Variants in PRKAG2 observed in about 807,000 individuals in gnomAD.
PRKAG2 encodes the protein protein kinase AMP-activated non-catalytic subunit gamma 2, also known as 5'-AMP-activated protein kinase subunit gamma-2.
A neutral mutation model predicts 69.6 loss-of-function variants in PRKAG2; 26 were observed. That is an observed-to-expected ratio of 0.37 (90% CI 0.27 to 0.52). The LOEUF (loss-of-function observed/expected upper bound fraction) is 0.52, where lower values mean the gene tolerates loss of function less well. Ranked by LOEUF, PRKAG2 falls within the 20% of genes least tolerant of loss-of-function variation. The pLI, the probability that PRKAG2 is intolerant of heterozygous loss-of-function variation, is 0.90. For missense variants in PRKAG2, 557 were observed against 740.0 expected (o/e 0.75, Z 2.87); for synonymous variants, 293 against 285.0 (o/e 1.03, Z -0.28).
intron 6 of PRKAG2, among the ~76,000 whole-genome samples, chr7:151,591,594 A>G (rs890214808): frequency 3.3e-5 from 5 of 152,162 alleles, no homozygotes; most frequent in African/African-American, 1.2e-4. Flanking sequence ...TGCAACCACC[A>G]GGCAGGTGTT....
At chr7:151,818,541 G>A (rs2078698678) in intron 1 of PRKAG2, among the ~76,000 whole-genome samples, 1 of 152,238 alleles carries the variant, frequency 6.6e-6, no homozygotes, top group Non-Finnish European at 1.5e-5. Flanking sequence ...CTTGCAGAGG[G>A]AGTATCTGCA....
chr7:151,776,708 G>A (rs1020893174), intron 3 of PRKAG2, among the ~76,000 whole-genome samples: 4 of 152,238 alleles, frequency 2.6e-5, no homozygotes, highest in African/African-American at 7.2e-5. Context: ...GGAGGAAGGC[G>A]CAGATGGCAG....
intron 1 of PRKAG2, among the ~76,000 whole-genome samples, chr7:151,796,449 G>A (rs576839403): frequency 6.6e-6 from 1 of 152,178 alleles, no homozygotes; most frequent in African/African-American, 2.4e-5. Context: ...TTCACAGTAC[G>A]TGAAGGGCAA....
chr7:151,716,907 G>A (rs1157146228), intron 3 of PRKAG2, among the ~76,000 whole-genome samples: 1 of 152,160 alleles, frequency 6.6e-6, no homozygotes, highest in Non-Finnish European at 1.5e-5. Flanking sequence ...TGGCAGGAAG[G>A]GGAGCAGTGG....
At chr7:151,744,394 G>A (rs546426652) in intron 3 of PRKAG2, among the ~76,000 whole-genome samples, 170 of 152,206 alleles carry the variant, frequency 1.1e-3, no homozygotes, top group African/African-American at 3.9e-3. Context: ...AGACACCATG[G>A]TTGGTGCCTA....
At chr7:151,758,545 A>G (rs57979524) in intron 3 of PRKAG2, among the ~76,000 whole-genome samples, 1,729 of 152,324 alleles carry the variant, frequency 0.011, 29 homozygotes, top group African/African-American at 0.038. Context: ...AGGAGCTGGG[A>G]GCCCACAGAA....
At chr7:151,670,731 C>T (rs934472609) in intron 4 of PRKAG2, among the ~76,000 whole-genome samples, 4 of 152,306 alleles carry the variant, frequency 2.6e-5, no homozygotes, top group South Asian at 4.1e-4. Flanking sequence ...GCATAATGCA[C>T]GGAGCTGTTA....
intron 3 of PRKAG2, among the ~76,000 whole-genome samples, chr7:151,693,438 T>TC (rs1836029391): frequency 6.6e-6 from 1 of 151,996 alleles, no homozygotes; most frequent in Non-Finnish European, 1.5e-5. Context: ...GCCCATCACC[T>TC]CCCCGGGCCA....
chr7:151,649,187 G>A (rs1427717392), intron 4 of PRKAG2, among the ~76,000 whole-genome samples: 1 of 152,096 alleles, frequency 6.6e-6, no homozygotes, highest in African/African-American at 2.4e-5. Flanking sequence ...GTGCAGTGGT[G>A]TGATCTTGGC....
intron 14 of PRKAG2, among the ~76,000 whole-genome samples, chr7:151,563,587 C>T (rs1176319835): frequency 1.3e-5 from 2 of 152,132 alleles, no homozygotes; most frequent in African/African-American, 2.4e-5. Flanking sequence ...ACAGATACAT[C>T]GATCTATTTA....
At chr7:151,712,442 C>T (rs1795479324) in intron 3 of PRKAG2, among the ~76,000 whole-genome samples, 1 of 152,262 alleles carries the variant, frequency 6.6e-6, no homozygotes. Context: ...ATGGTAACCA[C>T]AGGGACAGCC....
chr7:151,752,909 A>G (rs1017374138), intron 3 of PRKAG2, among the ~76,000 whole-genome samples: 1 of 152,268 alleles, frequency 6.6e-6, no homozygotes, highest in Admixed American at 6.5e-5. Context: ...AGAGAACTTT[A>G]TGGTGGCAGA....
intron 1 of PRKAG2, among the ~76,000 whole-genome samples, chr7:151,873,537 C>T (rs1431314513): frequency 1.3e-5 from 2 of 152,220 alleles, no homozygotes; most frequent in Non-Finnish European, 2.9e-5. Flanking sequence ...ACTGCAAGCC[C>T]TGTGAGGACT....
intron 1 of PRKAG2, among the ~76,000 whole-genome samples, chr7:151,847,202 A>T (rs1465809758): frequency 6.6e-6 from 1 of 152,214 alleles, no homozygotes; most frequent in East Asian, 1.9e-4. Context: ...TATTCTGGGT[A>T]CACAGCAGTG....
At chr7:151,874,030 TATGTATATG>T (rs1164901365) in intron 1 of PRKAG2, among the ~76,000 whole-genome samples, 2 of 149,040 alleles carry the variant, frequency 1.3e-5, no homozygotes, top group Non-Finnish European at 3.0e-5. Context: ...ATATGATGTA[TATGTATATG>T]ATGTATATGT....
At chr7:151,690,443 C>T (rs1835489534) in intron 3 of PRKAG2, among the ~76,000 whole-genome samples, 1 of 152,160 alleles carries the variant, frequency 6.6e-6, no homozygotes, top group Non-Finnish European at 1.5e-5. Context: ...ATTGCTCTTC[C>T]CCGAAAGGTT....
intron 1 of PRKAG2, among the ~76,000 whole-genome samples, chr7:151,787,769 G>A (rs1456540250): frequency 6.6e-6 from 1 of 152,134 alleles, no homozygotes; most frequent in Admixed American, 6.5e-5. Context: ...GGGTCTTTAA[G>A]CAGGCAATTA....
In PRKAG2 at chr7:151,724,109, A is replaced by G. The variant is rs553344327; in HGVS notation, c.467-48472T>C. ...CTCTGGAGCACCATACCTTTGCCCT[A>G]TGTATAGAAGCCCTGGGTCCGGGGG... On this transcript the variant is annotated intron_variant, in intron 3 of 15. Transcript: ENST00000287878. 4.6e-5 allele frequency among the ~76,000 whole-genome samples: 7 copies of G among 152,212 alleles called. No homozygotes were observed. In the East Asian group the frequency reaches 7.7e-4, roughly 17 times the overall value.
chr7:151,726,389 CA>C (rs1797963695), intron 3 of PRKAG2, among the ~76,000 whole-genome samples: 1 of 144,702 alleles, frequency 6.9e-6, no homozygotes, highest in African/African-American at 2.5e-5. Flanking sequence ...CACACACACA[CA>C]CACACACACA....
Sources: gnomAD v4.1 joint callset for allele counts (sites outside exome capture counted in the v4.1 genomes callset) on GRCh38, gnomAD v4.1.1 for gene constraint, MANE v1.5 for transcripts, NCBI Gene and HGNC (gene_info 2026-07-23, HGNC 2026-07-21) for gene names.